Variants in LAMA2 observed in about 807,000 individuals in gnomAD.
The protein encoded by LAMA2 is laminin subunit alpha-2.
In LAMA2, 269 loss-of-function variants were observed where a neutral mutation model predicts 364.8. That is an observed-to-expected ratio of 0.74 (90% CI 0.67 to 0.82). LAMA2 has a LOEUF of 0.82. Ranked by LOEUF, LAMA2 falls within the 40% of genes least tolerant of loss-of-function variation. The pLI is 0.00. For synonymous variants in LAMA2, 1,379 were observed against 1,370.6 expected (o/e 1.01, Z -0.14); for missense variants, 3,807 against 3,873.2 (o/e 0.98, Z 0.45).
intron 12 of LAMA2, among the ~76,000 whole-genome samples, chr6:129,194,941 G>A (rs915358297): frequency 6.6e-6 from 1 of 152,160 alleles, no homozygotes; most frequent in Admixed American, 6.5e-5. Context: ...CTAAATAGTT[G>A]AGGCTAAATT....
chr6:128,913,368 G>A (rs990319544), intron 1 of LAMA2, among the ~76,000 whole-genome samples: 1 of 152,094 alleles, frequency 6.6e-6, no homozygotes, highest in African/African-American at 2.4e-5. Flanking sequence ...TTCGACTGGT[G>A]TACTTTGTCT....
rs1391838424 is a variant in LAMA2 at position 129,252,244 on chromosome 6, A to G, written c.2045A>G (p.Lys682Arg). ...KEFMTVLANL[K>R]RVLLQITYSF... ...TTTATGACAGTGCTTGCGAATTTGA[A>G]GAGAGTCCTCCTACAAATCACATAC... The change falls in exon 14 of 65, where the codon AAG becomes AGG. Residue 682 changes from lysine to arginine, a missense_variant. Physicochemically the swap from Lys to Arg is conservative, Grantham distance 26 (BLOSUM62 2). Around this residue, in one of 3 missense-constraint regions of LAMA2, gnomAD observed 3,333 missense variants for 3,345.7 expected, o/e 1.00. Transcript: ENST00000421865. The G allele has an allele frequency of 6.2e-7, 1 of 1,613,616 alleles. No individual in the cohort carries two copies. The highest frequency in any genetic ancestry group is 8.5e-7 in the Non-Finnish European group (1 of 1,179,550).
chr6:129,009,897 C>T (rs1221076367), intron 1 of LAMA2, among the ~76,000 whole-genome samples: 1 of 152,090 alleles, frequency 6.6e-6, no homozygotes, highest in Non-Finnish European at 1.5e-5. Context: ...TCCTCTTTCC[C>T]ACCTCTGCTT....
At chr6:129,047,331 T>G (rs900857981) in intron 1 of LAMA2, among the ~76,000 whole-genome samples, 1 of 152,238 alleles carries the variant, frequency 6.6e-6, no homozygotes, top group Admixed American at 6.5e-5. Flanking sequence ...TATGTCACAC[T>G]GACAGAATGT....
chr6:128,983,713 A>T (rs1229712406), intron 1 of LAMA2, among the ~76,000 whole-genome samples: 1 of 152,224 alleles, frequency 6.6e-6, no homozygotes, highest in African/African-American at 2.4e-5. Context: ...GCTGAATTTC[A>T]AGAATCAGCT....
chr6:129,412,959 G>C (rs892325660), intron 40 of LAMA2, among the ~76,000 whole-genome samples: 1 of 152,148 alleles, frequency 6.6e-6, no homozygotes, highest in East Asian at 1.9e-4. Flanking sequence ...TCTGCTTCAG[G>C]TTGTCTTCAT....
chr6:129,212,043 T>A (rs1009665236), intron 12 of LAMA2, among the ~76,000 whole-genome samples: 4 of 152,220 alleles, frequency 2.6e-5, no homozygotes, highest in African/African-American at 4.8e-5. Context: ...AATTTGAAAC[T>A]TACAAAAAGT....
intron 40 of LAMA2, among the ~76,000 whole-genome samples, chr6:129,412,138 A>G (rs145647846): frequency 6.6e-6 from 1 of 152,332 alleles, no homozygotes; most frequent in African/African-American, 2.4e-5. Context: ...GTATATATAC[A>G]CAGATATATT....
intron 8 of LAMA2, among the ~76,000 whole-genome samples, chr6:129,164,753 C>T (rs1779636222): frequency 6.6e-6 from 1 of 152,108 alleles, no homozygotes; most frequent in Non-Finnish European, 1.5e-5. Context: ...CCTAGAATCT[C>T]CTGAGTGAAT....
At position 129,206,090 on chromosome 6, in the gene LAMA2, AAGGG is replaced by A. The variant is rs1197846032; in HGVS notation, c.1782+13253_1782+13256del. Among the ~76,000 whole-genome samples the A allele has an allele frequency of 5.7e-3, 634 of 111,982 alleles. 18 individuals carry two copies. The highest frequency in any genetic ancestry group is 0.031 in the East Asian group (105 of 3,412). The allele number at this position is 111,982 out of a possible 152,430, so 73.5% of individuals were successfully genotyped here. On this transcript the variant is annotated intron_variant, in intron 12 of 64. Coordinates refer to ENST00000421865, the MANE Select transcript of LAMA2 (RefSeq NM_000426.4). ...GGGAAAGGAAAGGAAAGGAGGAAGG[AAGGG>A]AGGGAGGGAGGGAGGAAGGAAGGAA...
intron 12 of LAMA2, among the ~76,000 whole-genome samples, chr6:129,198,361 C>T (rs1438301605): frequency 6.6e-6 from 1 of 152,102 alleles, no homozygotes; most frequent in Non-Finnish European, 1.5e-5. Context: ...GAAATAGAGC[C>T]AGGATTACAA....
chr6:129,455,763 G>A (rs1782929266), intron 47 of LAMA2, among the ~76,000 whole-genome samples: 1 of 152,130 alleles, frequency 6.6e-6, no homozygotes, highest in African/African-American at 2.4e-5. Flanking sequence ...ATATTGTACT[G>A]TATACATTAG....
chr6:128,928,230 A>G (rs1779221133), intron 1 of LAMA2, among the ~76,000 whole-genome samples: 1 of 152,224 alleles, frequency 6.6e-6, no homozygotes, highest in Admixed American at 6.5e-5. Context: ...CACAGATGCT[A>G]TTGGTCCTTA....
At chr6:129,290,918 T>C (rs1297904405) in intron 19 of LAMA2, among the ~76,000 whole-genome samples, 2 of 152,184 alleles carry the variant, frequency 1.3e-5, no homozygotes, top group Non-Finnish European at 2.9e-5. Context: ...GCTATAGTCT[T>C]AAGATACTTG....
chr6:129,489,435 C>G (rs1784752902), intron 56 of LAMA2, among the ~76,000 whole-genome samples: 1 of 152,156 alleles, frequency 6.6e-6, no homozygotes, highest in Non-Finnish European at 1.5e-5. Flanking sequence ...CCTCTGCCTC[C>G]TATATCTGCT....
At chr6:129,268,055 G>A (rs1295503104) in intron 16 of LAMA2, among the ~76,000 whole-genome samples, 1 of 152,060 alleles carries the variant, frequency 6.6e-6, no homozygotes, top group Non-Finnish European at 1.5e-5. Flanking sequence ...AATTCTTAAT[G>A]TTCTATCTTT....
At chr6:129,464,130 G>A (rs892709723) in intron 49 of LAMA2, among the ~76,000 whole-genome samples, 160 bp from the exon 50 acceptor site, 1 of 151,876 alleles carries the variant, frequency 6.6e-6, no homozygotes, top group South Asian at 2.1e-4. Context: ...ATTCTAGCAC[G>A]GTGGCAGTAG....
chr6:129,475,899 C>A (rs1784046210), intron 53 of LAMA2, among the ~76,000 whole-genome samples: 1 of 152,098 alleles, frequency 6.6e-6, no homozygotes, highest in Non-Finnish European at 1.5e-5. Flanking sequence ...ATTTACACAG[C>A]CTTTGCACCT....
At chr6:129,497,920 C>G (rs552779047) in intron 58 of LAMA2, among the ~76,000 whole-genome samples, 1 of 152,082 alleles carries the variant, frequency 6.6e-6, no homozygotes, top group African/African-American at 2.4e-5. Flanking sequence ...TTTAGCCCAT[C>G]GAGAGCTAGA....
Sources: allele counts gnomAD v4.1 joint callset (sites outside exome capture counted in the v4.1 genomes callset), GRCh38; gene constraint gnomAD v4.1.1; regional missense constraint gnomAD v4.1.1; transcripts MANE v1.5; gene names NCBI Gene and HGNC (gene_info 2026-07-23, HGNC 2026-07-21).